Variants in SEMA3A observed in about 807,000 individuals in gnomAD.
The protein encoded by SEMA3A is semaphorin 3A, also known as semaphorin-3A.
In SEMA3A, 29 loss-of-function variants were observed where a neutral mutation model predicts 97.9. That is an observed-to-expected ratio of 0.30 (90% CI 0.22 to 0.40). The LOEUF is 0.40. Among genes scored for constraint, SEMA3A ranks in the 10% least tolerant of loss-of-function variants. The probability of loss-of-function intolerance (pLI) is 1.00; values close to 1 mark genes in which losing one functional copy is unlikely to be tolerated. For missense variants in SEMA3A, 763 were observed against 951.3 expected (o/e 0.80, Z 2.60); for synonymous variants, 321 against 323.7 (o/e 0.99, Z 0.09).
intron 2 of SEMA3A, among the ~76,000 whole-genome samples, chr7:84,328,017 G>GA (rs1801810631): frequency 6.6e-6 from 1 of 152,102 alleles, no homozygotes; most frequent in Admixed American, 6.6e-5. Flanking sequence ...ATAAAGGTTA[G>GA]ATTACGATTT....
At chr7:84,097,744 TC>T (rs1420928579) in intron 4 of SEMA3A, among the ~76,000 whole-genome samples, 8 of 152,308 alleles carry the variant, frequency 5.3e-5, no homozygotes, top group African/African-American at 1.9e-4. Context: ...TACCAAATAT[TC>T]TATCATTTTT....
intron 2 of SEMA3A, among the ~76,000 whole-genome samples, chr7:84,361,469 C>G (rs751135282): frequency 2.0e-4 from 30 of 152,100 alleles, no homozygotes; most frequent in Middle Eastern, 3.4e-3. Context: ...TACTACTCAG[C>G]TATGGAGCAA....
At chr7:84,208,614 T>C (rs1050165707) in intron 3 of SEMA3A, among the ~76,000 whole-genome samples, 1 of 152,224 alleles carries the variant, frequency 6.6e-6, no homozygotes, top group Non-Finnish European at 1.5e-5. Context: ...ATTACTGTTA[T>C]CTTTTAAAAA....
At chr7:84,455,519 C>T (rs192872340) in intron 1 of SEMA3A, among the ~76,000 whole-genome samples, 85 of 151,880 alleles carry the variant, frequency 5.6e-4, no homozygotes, top group Non-Finnish European at 9.6e-4. Flanking sequence ...GTGATAGTAA[C>T]ATATATTACA....
At chr7:84,122,839 A>G (rs187460292) in intron 3 of SEMA3A, among the ~76,000 whole-genome samples, 110 of 152,318 alleles carry the variant, frequency 7.2e-4, no homozygotes, top group Non-Finnish European at 3.5e-4. Context: ...ACATTATAAT[A>G]TATCATATCA....
chr7:83,979,841 G>T (rs572837208), intron 14 of SEMA3A, among the ~76,000 whole-genome samples: 8 of 152,178 alleles, frequency 5.3e-5, no homozygotes, highest in Admixed American at 5.2e-4. Flanking sequence ...GTGTAATCAA[G>T]AGATTTAAGT....
At chr7:84,419,529 C>CA (rs35358909) in intron 1 of SEMA3A, among the ~76,000 whole-genome samples, 33,458 of 132,426 alleles carry the variant, frequency 0.25, 5,743 homozygotes, top group African/African-American at 0.5. Flanking sequence ...TGCATGAGAC[C>CA]AAAAAAAAAA....
chr7:84,218,094 T>A (rs1267981543), intron 3 of SEMA3A, among the ~76,000 whole-genome samples: 3 of 152,110 alleles, frequency 2.0e-5, no homozygotes, highest in Non-Finnish European at 4.4e-5. Flanking sequence ...AATATAATTC[T>A]TACTTGAGAA....
chr7:84,157,341 A>G (rs1465615000), intron 1 of SEMA3A, among the ~76,000 whole-genome samples: 1 of 152,146 alleles, frequency 6.6e-6, no homozygotes, highest in Non-Finnish European at 1.5e-5. Flanking sequence ...ACCATACTTC[A>G]TTGTTGAGAG....
At chr7:84,453,007 T>C (rs1218670400) in intron 1 of SEMA3A, among the ~76,000 whole-genome samples, 1 of 152,176 alleles carries the variant, frequency 6.6e-6, no homozygotes, top group African/African-American at 2.4e-5. Flanking sequence ...TACAGATTTG[T>C]AGCAGGTCAT....
chr7:84,208,233 G>A lies in SEMA3A; in HGVS notation c.-82-13565C>T, dbSNP rs183360541. ...TTTGGGAGGCCAAGGGGGGCAGATC[G>A]TGAGGTCAGGAGATCGAGACCATCC... is the stretch of plus-strand genomic sequence containing the variant. On this transcript the variant is annotated intron_variant, in intron 3 of 3. Transcript: ENST00000424555. Among the ~76,000 whole-genome samples the A allele has an allele frequency of 3.0e-3, 463 of 152,106 alleles. 2 individuals are homozygous for A. Among genetic ancestry groups the A allele is most frequent in the East Asian group, 0.025 (130 of 5,152 alleles).
chr7:84,435,506 G>T (rs761785833), intron 1 of SEMA3A, among the ~76,000 whole-genome samples: 12 of 152,188 alleles, frequency 7.9e-5, no homozygotes, highest in Non-Finnish European at 1.8e-4. Flanking sequence ...TACTCGGGTG[G>T]TTGAGGCAGG....
chr7:84,413,780 T>C (rs946172406), intron 1 of SEMA3A, among the ~76,000 whole-genome samples: 1 of 152,160 alleles, frequency 6.6e-6, no homozygotes, highest in African/African-American at 2.4e-5. Flanking sequence ...TACTAGTCAT[T>C]TTTAAAAAAG....
Position 83,959,376 on chromosome 7 carries a change from C to G in SEMA3A, c.*1995G>C, listed in dbSNP as rs572573808. The stretch of plus-strand genomic sequence containing the variant: ...CCTATTTTTTGGAGCACTCTTTGTT[C>G]TTCGATTTATATTTGAAACACTACT... On this transcript the variant is annotated 3_prime_UTR_variant, in exon 17 of 17. Transcript: ENST00000265362. 9.4e-4 allele frequency: 143 copies of G among 152,068 alleles called. No homozygotes were observed. The highest frequency in any genetic ancestry group is 3.4e-3 in the African/African-American group (141 of 41,562). The allele number at this position is 152,068 out of a possible 1,614,324, so 9.4% of individuals were successfully genotyped here.
At chr7:84,430,789 T>TGTGTGTGTGTGTGTGTG (rs1562945573) in intron 1 of SEMA3A, among the ~76,000 whole-genome samples, 1 of 143,332 alleles carries the variant, frequency 7.0e-6, no homozygotes, top group African/African-American at 2.5e-5. Flanking sequence ...AACATAAAAT[T>TGTGTGTGTGTGTGTGTG]TGTGTGTGTG....
intron 6 of SEMA3A, among the ~76,000 whole-genome samples, chr7:84,031,701 T>TGG (rs1232758662): frequency 2.0e-5 from 3 of 151,944 alleles, no homozygotes; most frequent in African/African-American, 4.8e-5. Flanking sequence ...CTGGGTGTGG[T>TGG]GGTGCATGCC....
chr7:84,251,737 T>C (rs1299523593), intron 3 of SEMA3A, among the ~76,000 whole-genome samples: 2 of 152,150 alleles, frequency 1.3e-5, no homozygotes, highest in Admixed American at 1.3e-4. Flanking sequence ...TGAGAGTGAC[T>C]GGTAGGATTT....
intron 2 of SEMA3A, among the ~76,000 whole-genome samples, chr7:84,367,961 T>C (rs1323854054): frequency 6.6e-6 from 1 of 151,228 alleles, no homozygotes; most frequent in Non-Finnish European, 1.5e-5. Flanking sequence ...TACATAATAA[T>C]TTTATAAATA....
intron 6 of SEMA3A, among the ~76,000 whole-genome samples, chr7:84,021,415 T>A (rs572296064): frequency 6.6e-6 from 1 of 152,340 alleles, no homozygotes; most frequent in African/African-American, 2.4e-5. Context: ...AACAATGTTT[T>A]CCAGTAAGAT....
Sources: allele counts gnomAD v4.1 joint callset (sites outside exome capture counted in the v4.1 genomes callset), GRCh38; gene constraint gnomAD v4.1.1; transcripts MANE v1.5; gene names NCBI Gene and HGNC (gene_info 2026-07-23, HGNC 2026-07-21).